Variants in PALS1 observed in about 807,000 individuals in gnomAD.
PALS1 encodes protein associated with LIN7 1, MAGUK p55 family member.
A neutral mutation model predicts 78.9 loss-of-function variants in PALS1; 31 were observed. The ratio of observed to expected loss-of-function variants is 0.39; its 90% CI spans 0.30 to 0.53. PALS1 has a LOEUF of 0.53. Among genes scored for constraint, PALS1 ranks in the 20% least tolerant of loss-of-function variants. The pLI, the probability that PALS1 is intolerant of heterozygous loss-of-function variation, is 0.67. For synonymous variants in PALS1, 276 were observed against 270.9 expected, an observed-to-expected ratio of 1.02 and a Z score of -0.18; for missense variants, 704 against 826.5, an observed-to-expected ratio of 0.85 and a Z score of 1.82.
intron 1 of PALS1, among the ~76,000 whole-genome samples, chr14:67,255,993 C>T (rs2084139350): frequency 6.6e-6 from 1 of 152,190 alleles, no homozygotes; most frequent in African/African-American, 2.4e-5. Context: ...GCTCAACCAA[C>T]TGACTTTAAT....
chr14:67,286,577 C>T (rs1012722421), intron 3 of PALS1, among the ~76,000 whole-genome samples: 10 of 151,902 alleles, frequency 6.6e-5, no homozygotes, highest in Admixed American at 1.3e-4. Flanking sequence ...TGTTCTTAGC[C>T]GGGCGTGGTG....
intron 4 of PALS1, among the ~76,000 whole-genome samples, chr14:67,297,470 C>T (rs1198491229): frequency 1.3e-5 from 2 of 152,070 alleles, no homozygotes; most frequent in East Asian, 3.8e-4. Context: ...GAAAAGGTCA[C>T]TTCATAAAAC....
rs150341271 is a variant in PALS1, at chr14:67,302,020, G to A, written c.703G>A (p.Glu235Lys). Residue 235 changes from glutamate (E) to lysine (K), a missense_variant, in exon 6 of 15, where the codon GAG (glutamate) becomes AAG (lysine). Transcript: ENST00000261681. The part of the protein sequence containing the change: ...DKVAEQEMQL[E>K]PITDERVYES... The stretch of plus-strand genomic sequence containing the variant: ...GGTTGCTGAGCAGGAAATGCAGCTA[G>A]AGCCCATTACAGATGAGAGAGTTTA... The A allele has an allele frequency of 1.9e-5, 31 of 1,610,244 alleles. No individual in the cohort carries two copies. Among genetic ancestry groups the A allele is most frequent in the Non-Finnish European group, 2.6e-5 (31 of 1,178,256 alleles).
chr14:67,332,879 G>A lies in PALS1; in HGVS notation c.1951G>A (p.Ala651Thr). The change falls in exon 15 of 15, where the codon GCC (alanine) becomes ACC (threonine). Residue 651 changes from alanine to threonine, a missense_variant. By Grantham distance (58) the Ala-to-Thr change is moderately conservative. Transcript: ENST00000261681. ...AATTGTGAATTCCGATCTTGATAAA[G>A]CCTATCAGGAATTGCTTAGGTTAAT... ...TAIVNSDLDK[A>T]YQELLRLINK... The A allele has an allele frequency of 1.2e-6, 2 of 1,613,974 alleles. No homozygotes were observed. Among genetic ancestry groups the A allele is most frequent in the East Asian group, 2.2e-5 (1 of 44,884 alleles).
chr14:67,287,961 G>A (rs1269684852), intron 3 of PALS1, among the ~76,000 whole-genome samples: 1 of 152,180 alleles, frequency 6.6e-6, no homozygotes, highest in Non-Finnish European at 1.5e-5. Flanking sequence ...TGAGGTTGAA[G>A]AGACCCAGTA....
chr14:67,254,891 C>T (rs1025294926), intron 1 of PALS1, among the ~76,000 whole-genome samples: 1 of 152,230 alleles, frequency 6.6e-6, no homozygotes, highest in African/African-American at 2.4e-5. Context: ...TGGCTCACAC[C>T]TGTAATCCCA....
chr14:67,274,195 C>T (rs1236805035), intron 2 of PALS1, among the ~76,000 whole-genome samples: 1 of 152,132 alleles, frequency 6.6e-6, no homozygotes, highest in Non-Finnish European at 1.5e-5. Flanking sequence ...GAAGTCCTTG[C>T]CCATGCCTAT....
chr14:67,326,071 C>T (rs2085351295), intron 14 of PALS1, among the ~76,000 whole-genome samples: 1 of 148,980 alleles, frequency 6.7e-6, no homozygotes, highest in African/African-American at 2.5e-5. Flanking sequence ...GTGATCCAGC[C>T]TCCTCGGCCT....
At chr14:67,257,737 TGA>T (rs1490078987) in intron 1 of PALS1, among the ~76,000 whole-genome samples, 1 of 152,148 alleles carries the variant, frequency 6.6e-6, no homozygotes, top group Non-Finnish European at 1.5e-5. Context: ...AAGAAGAAAC[TGA>T]GAGTTAAAAG....
intron 3 of PALS1, among the ~76,000 whole-genome samples, chr14:67,291,575 G>A (rs143624333): frequency 3.3e-5 from 5 of 152,296 alleles, no homozygotes; most frequent in Admixed American, 1.3e-4. Context: ...GAGCCACTGC[G>A]CCCAGCCTAC....
intron 3 of PALS1, among the ~76,000 whole-genome samples, chr14:67,280,419 G>GTCATCA (rs1234218185): frequency 6.6e-6 from 1 of 152,134 alleles, no homozygotes; most frequent in Admixed American, 6.5e-5. Context: ...TATTGTCATT[G>GTCATCA]TCATCATTTT....
intron 14 of PALS1, among the ~76,000 whole-genome samples, chr14:67,329,427 G>T (rs1751829062): frequency 1.3e-5 from 2 of 152,080 alleles, no homozygotes; most frequent in Admixed American, 6.6e-5. Flanking sequence ...CTGCAAACAG[G>T]GATAATTCGA....
intron 13 of PALS1, among the ~76,000 whole-genome samples, chr14:67,322,762 A>G (rs1159235978): frequency 6.9e-6 from 1 of 144,476 alleles, no homozygotes; most frequent in Non-Finnish European, 1.5e-5. Flanking sequence ...GATTTTAACA[A>G]AGAACTCAGC....
chr14:67,257,021 T>A (rs201534709), intron 1 of PALS1, among the ~76,000 whole-genome samples: 29 of 152,266 alleles, frequency 1.9e-4, no homozygotes, highest in East Asian at 1.4e-3. Context: ...CAGCTTTTTT[T>A]AAATACGTTT....
intron 9 of PALS1, among the ~76,000 whole-genome samples, chr14:67,315,268 A>ATTTTTTTT (rs531037352): frequency 9.8e-6 from 1 of 101,588 alleles, no homozygotes; most frequent in Non-Finnish European, 1.9e-5. Context: ...CTTATTTTTA[A>ATTTTTTTT]TTTTTTTTTT....
In PALS1 at chr14:67,303,826, G is replaced by A. The variant is rs540785645; in HGVS notation, c.1041+227G>A. Among the ~76,000 whole-genome samples, 9 of 152,056 alleles carry A rather than the reference G, an allele frequency of 5.9e-5. No homozygotes were observed. In the East Asian group the frequency reaches 1.7e-3, roughly 29 times the overall value. ...TCTGTTGCCCAGGGTAGAGTGCAGT[G>A]GTGTGATCTTGGCTCACTGCAACCT... On this transcript the variant is annotated intron_variant, in intron 8 of 14. Transcript: ENST00000261681.
At chr14:67,275,287 A>G (rs978292072) in intron 2 of PALS1, among the ~76,000 whole-genome samples, 16 of 152,322 alleles carry the variant, frequency 1.1e-4, no homozygotes, top group African/African-American at 3.6e-4. Flanking sequence ...ATTTTGAGAT[A>G]CATTCCATCA....
intron 8 of PALS1, among the ~76,000 whole-genome samples, chr14:67,310,312 A>T (rs2085070448): frequency 6.6e-6 from 1 of 152,210 alleles, no homozygotes; most frequent in African/African-American, 2.4e-5. Context: ...AGGATGAGCC[A>T]CAACACTTTC....
At chr14:67,306,428 T>C (rs1387592602) in intron 8 of PALS1, among the ~76,000 whole-genome samples, 1 of 152,112 alleles carries the variant, frequency 6.6e-6, no homozygotes, top group Non-Finnish European at 1.5e-5. Context: ...CACTGTAACC[T>C]CTGCCTCCTG....
Sources: gnomAD v4.1 joint callset for allele counts (sites outside exome capture counted in the v4.1 genomes callset) on GRCh38, gnomAD v4.1.1 for gene constraint, MANE v1.5 for transcripts, NCBI Gene and HGNC (gene_info 2026-07-23, HGNC 2026-07-21) for gene names.